The following TMEM150C variants were observed in gnomAD, a reference collection of about 807,000 sequenced individuals.
The protein encoded by TMEM150C is transmembrane protein 150C.
Under a neutral mutation model 29.9 loss-of-function variants are expected in TMEM150C, and 10 were observed. The observed-to-expected ratio is 0.33, with a 90% confidence interval of 0.21 to 0.57. The LOEUF is 0.57. Among genes scored for constraint, TMEM150C ranks in the 20% least tolerant of loss-of-function variants. TMEM150C has a pLI of 0.88. For synonymous variants in TMEM150C, 101 were observed against 112.5 expected (o/e 0.90, Z 0.64); for missense variants, 251 against 303.6 (o/e 0.83, Z 1.29).
intron 1 of TMEM150C, among the ~76,000 whole-genome samples, chr4:82,547,513 C>G (rs888777090): frequency 3.9e-5 from 6 of 151,980 alleles, no homozygotes; most frequent in Admixed American, 2.0e-4. Context: ...AGCTTGAACC[C>G]AGGAGGCGGA....
chr4:82,557,734 C>CTTTTTTTTTTT (rs767919077), intron 1 of TMEM150C, among the ~76,000 whole-genome samples: 6 of 131,362 alleles, frequency 4.6e-5, no homozygotes, highest in Admixed American at 7.7e-5. Flanking sequence ...TTTTCTTTTT[C>CTTTTTTTTTTT]TTTTTTTTTT....
rs538631170 is a variant in TMEM150C at position 82,499,911 on chromosome 4, C to T, written c.235+2816G>A. On this transcript the variant is annotated intron_variant, in intron 5 of 7. Transcript: ENST00000449862. ...TTGACTCTTTATGCATCAATGATTC[C>T]TATTTATGACTGCGGTAGAACACAA... Among the ~76,000 whole-genome samples, 320 of 152,116 alleles carry T rather than the reference C, an allele frequency of 2.1e-3. 1 individual carries two copies. Among genetic ancestry groups the T allele is most frequent in the Non-Finnish European group, 2.1e-3 (144 of 67,984 alleles).
At chr4:82,520,543 C>T (rs1254052874) in intron 1 of TMEM150C, among the ~76,000 whole-genome samples, 6 of 152,356 alleles carry the variant, frequency 3.9e-5, no homozygotes, top group South Asian at 2.1e-4. Context: ...CTCCTTGCTA[C>T]AGCAGCCAGG....
chr4:82,521,755 G>A (rs17005758), intron 1 of TMEM150C, among the ~76,000 whole-genome samples: 23,375 of 152,166 alleles, frequency 0.15, 3,523 homozygotes, highest in African/African-American at 0.4. Context: ...GAGATGTGAC[G>A]TGGGAGGTGA....
At chr4:82,514,716 T>C (rs993497378) in intron 1 of TMEM150C, among the ~76,000 whole-genome samples, 1 of 152,168 alleles carries the variant, frequency 6.6e-6, no homozygotes, top group African/African-American at 2.4e-5. Flanking sequence ...CTCTGCACTG[T>C]GAAGTAGCCA....
At chr4:82,533,162 C>A (rs548752900) in intron 1 of TMEM150C, among the ~76,000 whole-genome samples, 1 of 142,752 alleles carries the variant, frequency 7.0e-6, no homozygotes, top group South Asian at 2.2e-4. Flanking sequence ...TTTCTGAATT[C>A]TCTTTTTAAC....
chr4:82,517,496 T>C (rs115947889), intron 1 of TMEM150C, among the ~76,000 whole-genome samples: 2,296 of 152,268 alleles, frequency 0.015, 77 homozygotes, highest in African/African-American at 0.051. Context: ...ACCCAATCCA[T>C]TGAGGGCCCT....
intron 1 of TMEM150C, among the ~76,000 whole-genome samples, chr4:82,521,437 T>G (rs1007780676): frequency 2.6e-5 from 4 of 152,166 alleles, no homozygotes; most frequent in Non-Finnish European, 5.9e-5. Context: ...GCAGAAGCCT[T>G]GGCTAAGGGA....
In TMEM150C at chr4:82,507,727, C is replaced by CTTT. The variant is rs869112887; in HGVS notation, c.-10-3063_-10-3061dup. 3.0e-3 allele frequency among the ~76,000 whole-genome samples: 62 copies of CTTT among 20,574 alleles called. 7 individuals are homozygous for CTTT. Among genetic ancestry groups the CTTT allele is most frequent in the Non-Finnish European group, 3.9e-3 (52 of 13,484 alleles). The allele number at this position is 20,574 out of a possible 152,430, so 13.5% of individuals were successfully genotyped here. ...TTAAATTAACTCTCTCTCTCTCTCT[C>CTTT]TTTTTTTTTTTTTTTTTTTTTTTTT... On this transcript the variant is annotated intron_variant, in intron 1 of 7. Coordinates refer to ENST00000449862, the MANE Select transcript of TMEM150C (RefSeq NM_001080506.3).
At chr4:82,546,505 G>T (rs1725390117) in intron 1 of TMEM150C, among the ~76,000 whole-genome samples, 1 of 152,182 alleles carries the variant, frequency 6.6e-6, no homozygotes, top group African/African-American at 2.4e-5. Flanking sequence ...AGTAAATGCT[G>T]CTGGGATAGC....
chr4:82,512,020 T>C (rs1560486949), intron 1 of TMEM150C, among the ~76,000 whole-genome samples: 1 of 152,242 alleles, frequency 6.6e-6, no homozygotes, highest in Admixed American at 6.5e-5. Context: ...AGGCTATAGG[T>C]CATGAGTTGT....
intron 5 of TMEM150C, among the ~76,000 whole-genome samples, chr4:82,501,090 C>G (rs1578126888): frequency 6.6e-6 from 1 of 152,222 alleles, no homozygotes; most frequent in South Asian, 2.1e-4. Context: ...GGGCTTTGTG[C>G]TCTGTTAAAT....
chr4:82,523,697 CT>C (rs376571700), intron 1 of TMEM150C, among the ~76,000 whole-genome samples: 10,698 of 145,680 alleles, frequency 0.073, 777 homozygotes, highest in African/African-American at 0.19. Context: ...ACACAAATAA[CT>C]TTTTTTTTTT....
At chr4:82,520,956 G>T (rs563712933) in intron 1 of TMEM150C, among the ~76,000 whole-genome samples, 1 of 152,064 alleles carries the variant, frequency 6.6e-6, no homozygotes, top group South Asian at 2.1e-4. Context: ...CTGACTTTAC[G>T]CACTACTCAC....
intron 7 of TMEM150C, among the ~76,000 whole-genome samples, chr4:82,489,514 A>T (rs1052177564): frequency 1.3e-5 from 2 of 152,116 alleles, no homozygotes; most frequent in East Asian, 3.9e-4. Context: ...CTCTGAGCGG[A>T]GGAAGGGAAA....
chr4:82,526,570 A>G (rs2110080851), intron 1 of TMEM150C, among the ~76,000 whole-genome samples: 1 of 152,204 alleles, frequency 6.6e-6, no homozygotes, highest in South Asian at 2.1e-4. Flanking sequence ...GGTGGAGACT[A>G]TTTTTACTGC....
At chr4:82,562,141 C>G (rs1352827391), upstream of TMEM150C, 1 of 1,270,568 alleles carries the variant, frequency 7.9e-7, no homozygotes. Context: ...TCTGCCACCC[C>G]CCCGGGGCCC....
intron 1 of TMEM150C, among the ~76,000 whole-genome samples, chr4:82,545,049 A>G (rs575608736): frequency 1.4e-4 from 22 of 152,316 alleles, no homozygotes; most frequent in African/African-American, 5.3e-4. Flanking sequence ...CATTTTATGA[A>G]GCCAGCATCA....
At chr4:82,493,053 A>ATATGTG (rs561536313) in intron 6 of TMEM150C, among the ~76,000 whole-genome samples, 44 of 151,270 alleles carry the variant, frequency 2.9e-4, no homozygotes, top group African/African-American at 1.0e-3. Flanking sequence ...AGTAAAATCT[A>ATATGTG]TTGTTAAAGA....
Sources: gnomAD v4.1 joint callset for allele counts (sites outside exome capture counted in the v4.1 genomes callset) on GRCh38, gnomAD v4.1.1 for gene constraint, MANE v1.5 for transcripts, NCBI Gene and HGNC (gene_info 2026-07-23, HGNC 2026-07-21) for gene names.